FOXK2: variants seen among roughly 807,000 people sequenced by gnomAD.
The protein encoded by FOXK2 is forkhead box protein K2.
FOXK2 carries 24 observed loss-of-function variants against 53.3 expected under a neutral mutation model. The observed-to-expected ratio is 0.45, with a 90% confidence interval of 0.33 to 0.63. The LOEUF (loss-of-function observed/expected upper bound fraction) is 0.63, where lower values mean the gene tolerates loss of function less well. FOXK2 is among the 30% of genes least tolerant of loss of function. FOXK2 has a pLI of 0.03. For missense variants in FOXK2, 952 were observed against 910.5 expected (o/e 1.05, Z -0.59); for synonymous variants, 505 against 407.1 (o/e 1.24, Z -2.89).
chr17:82,573,556 TCTCTCTCACACA>T (rs1431914301), intron 4 of FOXK2, among the ~76,000 whole-genome samples: 7,282 of 116,088 alleles, frequency 0.063, 196 homozygotes, highest in East Asian at 0.11. Flanking sequence ...TCTCTCTCTC[TCTCTCTCACACA>T]CACACACACA....
chr17:82,521,774 CA>C lies in FOXK2; in HGVS notation c.419+1483del, dbSNP rs768862024. ...GTGAAACCCGTCTCTACTAAAAATACAAAAAAAAAAAAAAAATTAGCCGGGC... is the reference window on the plus strand; with the variant it reads ...GTGAAACCCGTCTCTACTAAAAATACAAAAAAAAAAAAAAATTAGCCGGGC... On this transcript the variant is annotated intron_variant, in intron 1 of 8. Transcript: ENST00000335255. Among the ~76,000 whole-genome samples the C allele has an allele frequency of 8.2e-3, 953 of 116,516 alleles. 7 individuals carry two copies. Among genetic ancestry groups the C allele is most frequent in the African/African-American group, 0.023 (721 of 31,304 alleles). The allele number at this position is 116,516 out of a possible 152,430, so 76.4% of individuals were successfully genotyped here.
At chr17:82,558,576 A>ATCG (rs1470365576) in intron 1 of FOXK2, among the ~76,000 whole-genome samples, 1 of 152,132 alleles carries the variant, frequency 6.6e-6, no homozygotes, top group African/African-American at 2.4e-5. Flanking sequence ...GGAGGAAGAG[A>ATCG]TCGCCTCTTT....
chr17:82,534,241 G>A (rs564099348), intron 1 of FOXK2, among the ~76,000 whole-genome samples: 32 of 151,826 alleles, frequency 2.1e-4, no homozygotes, highest in African/African-American at 7.5e-4. Context: ...GCAAAACCTC[G>A]ACTCGAAAAA....
At chr17:82,573,901 C>T (rs1267214428) in intron 4 of FOXK2, among the ~76,000 whole-genome samples, 1 of 152,224 alleles carries the variant, frequency 6.6e-6, no homozygotes, top group Admixed American at 6.5e-5. Flanking sequence ...AAGAGGGTGG[C>T]TGGATAAAGG....
chr17:82,551,353 G>T (rs998137124), intron 1 of FOXK2, among the ~76,000 whole-genome samples: 1 of 150,182 alleles, frequency 6.7e-6, no homozygotes, highest in Non-Finnish European at 1.5e-5. Flanking sequence ...AAATAAACAT[G>T]ATGGCATGTC....
Position 82,519,991 on chromosome 17 carries a change from TG to T in FOXK2, c.106del (p.Ala36ProfsTer13). ...AGGGGSPPGG[W>X]AVARLEGREF... Reference sequence around the variant, plus strand: ...GGGCGGCGGGTCCCCGCCGGGCGGCTGGGCCGTGGCGCGCCTGGAGGGCCGC... The same window carrying T: ...GGGCGGCGGGTCCCCGCCGGGCGGCTGGCCGTGGCGCGCCTGGAGGGCCGC... On this transcript the variant is annotated frameshift_variant, in exon 1 of 9. Coordinates refer to ENST00000335255, the MANE Select transcript of FOXK2 (RefSeq NM_004514.4). LOFTEE classifies it high-confidence loss of function. The T allele has an allele frequency of 7.1e-7, 1 of 1,399,528 alleles. No individual in the cohort carries two copies. The allele number at this position is 1,399,528 out of a possible 1,614,324, so 86.7% of individuals were successfully genotyped here. A position where few individuals can be genotyped will look rare whatever the true frequency, so the allele number is the denominator to read the frequency against.
intron 1 of FOXK2, among the ~76,000 whole-genome samples, chr17:82,562,213 T>TC (rs2044803552): frequency 6.6e-6 from 1 of 152,194 alleles, no homozygotes; most frequent in Non-Finnish European, 1.5e-5. Context: ...GCAAACCTTC[T>TC]CCCCTGTAGC....
chr17:82,522,391 C>T (rs1344843698), intron 1 of FOXK2, among the ~76,000 whole-genome samples: 3 of 148,680 alleles, frequency 2.0e-5, no homozygotes, highest in African/African-American at 7.4e-5. Flanking sequence ...TTTCCTGAGA[C>T]GGAGCCTTGC....
chr17:82,539,178 G>A (rs996584325), intron 1 of FOXK2, among the ~76,000 whole-genome samples: 2 of 149,942 alleles, frequency 1.3e-5, no homozygotes, highest in Non-Finnish European at 3.0e-5. Flanking sequence ...TCTCAGCACT[G>A]TAAGGTGGCC....
chr17:82,544,811 G>C (rs1246233900), intron 1 of FOXK2, among the ~76,000 whole-genome samples: 3 of 152,042 alleles, frequency 2.0e-5, no homozygotes, highest in Non-Finnish European at 4.4e-5. Context: ...GTCCTCAGTG[G>C]CTTTGGGACC....
At chr17:82,582,610 A>G (rs1302470615) in intron 4 of FOXK2, 131 bp from the exon 5 acceptor site, 1 of 700,882 alleles carries the variant, frequency 1.4e-6, no homozygotes, top group African/African-American at 1.8e-5. Context: ...GCAAAAGAAA[A>G]AAAATTCACT....
At chr17:82,564,930 A>G (rs751497117) in intron 2 of FOXK2, among the ~76,000 whole-genome samples, 6 of 151,796 alleles carry the variant, frequency 4.0e-5, no homozygotes, top group Non-Finnish European at 8.8e-5. Context: ...GGGTTTCTCC[A>G]TGTTGGTCAG....
At chr17:82,552,359 G>A (rs2044685133) in intron 1 of FOXK2, among the ~76,000 whole-genome samples, 1 of 152,144 alleles carries the variant, frequency 6.6e-6, no homozygotes, top group South Asian at 2.1e-4. Flanking sequence ...CAAAGGTGAC[G>A]CTTTCCCTGC....
intron 8 of FOXK2, 130 bp from the exon 9 acceptor site, chr17:82,601,173 C>G: frequency 3.9e-6 from 4 of 1,017,252 alleles, no homozygotes; most frequent in Non-Finnish European, 5.7e-6. Flanking sequence ...GTGGCAGGAC[C>G]CTTAGAGGGC....
intron 4 of FOXK2, 147 bp downstream of exon 4, chr17:82,572,017 C>G: frequency 1.5e-6 from 1 of 678,406 alleles, no homozygotes; most frequent in South Asian, 2.8e-5. Context: ...GAGTTGGGGG[C>G]CGGTGCTGCC....
Position 82,587,078 on chromosome 17 carries a change from T to C in FOXK2, c.1592T>C (p.Ile531Thr), listed in dbSNP as rs1318689619. 6.2e-7 allele frequency: 1 copy of C among 1,611,860 alleles called. No individual in the cohort carries two copies. Among genetic ancestry groups the C allele is most frequent in the African/African-American group, 1.3e-5 (1 of 74,894 alleles). ...TTAATTTCAGTGAAAGTAGAGCCTA[T>C]TCCCGCCATTGGCCACGCCACGCTC... is the stretch of plus-strand genomic sequence containing the variant. ...HREVKVKVEP[I>T]PAIGHATLGT... is the part of the protein sequence containing the mutation. Residue 531 changes from isoleucine (I) to threonine (T), a missense_variant, in exon 8 of 9, where the codon ATT (isoleucine) becomes ACT (threonine). Ile to Thr is a moderately conservative substitution (Grantham distance 89). This residue lies in a region of FOXK2 where 551 missense variants were observed against 385.1 expected (regional missense o/e 1.43). Transcript: ENST00000335255.
At chr17:82,534,799 A>G (rs1337167855) in intron 1 of FOXK2, among the ~76,000 whole-genome samples, 1 of 152,174 alleles carries the variant, frequency 6.6e-6, no homozygotes, top group South Asian at 2.1e-4. Context: ...TGGATCTTTT[A>G]TCTTGTTCTC....
intron 1 of FOXK2, among the ~76,000 whole-genome samples, chr17:82,525,816 C>T (rs72861008): frequency 0.18 from 27,485 of 152,228 alleles, 2,830 homozygotes; most frequent in Non-Finnish European, 0.24. Context: ...GACCCCTGTC[C>T]TATGCCAAAT....
chr17:82,534,591 T>G (rs1165284366), intron 1 of FOXK2, among the ~76,000 whole-genome samples: 1 of 152,176 alleles, frequency 6.6e-6, no homozygotes, highest in Non-Finnish European at 1.5e-5. Context: ...GAGACCCTCC[T>G]GGGACTGCGC....
Sources: gnomAD v4.1 joint callset for allele counts (sites outside exome capture counted in the v4.1 genomes callset) on GRCh38, gnomAD v4.1.1 for gene constraint, gnomAD v4.1.1 regional missense constraint, MANE v1.5 for transcripts, NCBI Gene and HGNC (gene_info 2026-07-23, HGNC 2026-07-21) for gene names.